The following ABCA6 variants were observed in gnomAD, a reference collection of about 807,000 sequenced individuals.
ABCA6 encodes the protein ATP binding cassette subfamily A member 6.
In ABCA6, 164 loss-of-function variants were observed where a neutral mutation model predicts 191.2. The observed-to-expected ratio is 0.86, with a 90% CI of 0.76 to 0.98. ABCA6 has a LOEUF of 0.98. ABCA6 is among the 50% of genes least tolerant of loss of function. The pLI is 0.00. For missense variants in ABCA6, 1,958 were observed against 1,894.1 expected (o/e 1.03, Z -0.63); for synonymous variants, 636 against 647.7 (o/e 0.98, Z 0.27).
intron 21 of ABCA6, among the ~76,000 whole-genome samples, chr17:69,101,387 G>T (rs536310392): frequency 1.3e-5 from 2 of 152,078 alleles, no homozygotes; most frequent in Non-Finnish European, 2.9e-5. Flanking sequence ...TTGAGGTTAG[G>T]AGTTTGAGAC....
intron 4 of ABCA6, 146 bp from the exon 5 acceptor site, chr17:69,134,888 C>CTTTTTTTTTTTG (rs2073925247): frequency 3.9e-6 from 1 of 257,558 alleles, no homozygotes; most frequent in Non-Finnish European, 6.8e-6. Context: ...TTGTGGTTGT[C>CTTTTTTTTTTTG]TTTTTTTTTT....
intron 6 of ABCA6, among the ~76,000 whole-genome samples, chr17:69,130,529 T>G (rs2073843959): frequency 6.6e-6 from 1 of 152,216 alleles, no homozygotes; most frequent in Non-Finnish European, 1.5e-5. Flanking sequence ...CACTGCTGTA[T>G]AATATTTCAT....
At position 69,119,790 on chromosome 17, in the gene ABCA6, ATCTG is replaced by A. The variant is rs777466856; in HGVS notation, c.1437-1838_1437-1835del. On this transcript the variant is annotated intron_variant, in intron 10 of 38. Coordinates refer to ENST00000284425, the MANE Select transcript of ABCA6 (RefSeq NM_080284.3). Reference sequence around the variant, plus strand: ...TACATATGCACAAACACACCTTTTTATCTGTCTTATTCTTAGAATGTTCATTGCA... The same window carrying A: ...TACATATGCACAAACACACCTTTTTATCTTATTCTTAGAATGTTCATTGCA... Among the ~76,000 whole-genome samples, 232 of 152,208 alleles carry A rather than the reference ATCTG, an allele frequency of 1.5e-3. 1 individual carries two copies. Among genetic ancestry groups the A allele is most frequent in the East Asian group, 7.7e-4 (4 of 5,172 alleles).
chr17:69,110,890 G>A lies in ABCA6; in HGVS notation c.2183C>T (p.Thr728Ile). 6.2e-7 allele frequency: 1 copy of A among 1,611,520 alleles called. No individual in the cohort carries two copies. Among genetic ancestry groups the A allele is most frequent in the South Asian group, 1.1e-5 (1 of 90,914 alleles). Residue 728 changes from threonine (T) to isoleucine (I), a missense_variant, in exon 17 of 39, where the codon ACT becomes ATT. Thr to Ile is a moderately conservative substitution (Grantham distance 89). Transcript: ENST00000284425. The part of the protein sequence containing the change: ...CNPEQITSFI[T>I]HHIPDAKLKT... ...TAATTTAGCATCGGGGATGTGATGA[G>A]TAATGAAGGATGTTATTTGTTCTGG...
chr17:69,079,503 C>T (rs1470401699), intron 37 of ABCA6, among the ~76,000 whole-genome samples: 1 of 152,036 alleles, frequency 6.6e-6, no homozygotes, highest in Non-Finnish European at 1.5e-5. Flanking sequence ...TTTGGTATTG[C>T]GTGCGTATGT....
At chr17:69,101,374 C>T (rs2073176193) in intron 21 of ABCA6, among the ~76,000 whole-genome samples, 1 of 152,094 alleles carries the variant, frequency 6.6e-6, no homozygotes, top group Admixed American at 6.6e-5. Flanking sequence ...GCGGGCAGAT[C>T]ACTTGAGGTT....
At chr17:69,110,105 A>T (rs1049913650) in intron 17 of ABCA6, 1 of 152,194 alleles carries the variant, frequency 6.6e-6, no homozygotes, top group African/African-American at 2.4e-5. Flanking sequence ...TTCAGTGTGT[A>T]GGTGGAAGAC....
At chr17:69,081,192 A>G in intron 36 of ABCA6, 47 bp from the exon 37 acceptor site, 1 of 993,822 alleles carries the variant, frequency 1.0e-6, no homozygotes, top group Non-Finnish European at 1.5e-6. Flanking sequence ...TCAAGGGGAG[A>G]AAATGAGCAT....
chr17:69,083,115 C>G, intron 35 of ABCA6, 97 bp downstream of exon 35: 1 of 1,571,294 alleles, frequency 6.4e-7, no homozygotes, highest in Non-Finnish European at 8.6e-7. Context: ...ACCAAGGAAG[C>G]CAAACGGAAG....
At chr17:69,113,531 G>GC in intron 14 of ABCA6, 87 bp downstream of exon 14, 2 of 1,596,492 alleles carry the variant, frequency 1.3e-6, no homozygotes, top group Non-Finnish European at 1.7e-6. Flanking sequence ...GCATTACAAT[G>GC]AAAGCTCTAC....
chr17:69,096,119 A>G (rs1329416753), intron 25 of ABCA6, 121 bp downstream of exon 25: 2 of 402,806 alleles, frequency 5.0e-6, no homozygotes, highest in South Asian at 1.1e-4. Flanking sequence ...TCTCTTTTCT[A>G]TGGTGTAATT....
At chr17:69,136,059 A>C in intron 4 of ABCA6, 33 bp downstream of exon 4, 2 of 1,592,924 alleles carry the variant, frequency 1.3e-6, no homozygotes, top group Middle Eastern at 3.3e-4. Flanking sequence ...AAACATGAAA[A>C]ATTCCATAAT....
At chr17:69,083,490 G>A (rs1486926569) in intron 34 of ABCA6, among the ~76,000 whole-genome samples, 159 bp from the exon 35 acceptor site, 8 of 152,170 alleles carry the variant, frequency 5.3e-5, no homozygotes, top group Admixed American at 5.2e-4. Flanking sequence ...ACATTTTTAA[G>A]TATTTTTAGA....
chr17:69,078,912 T>A lies in ABCA6; in HGVS notation c.*61A>T, dbSNP rs967924139. On this transcript the variant is annotated 3_prime_UTR_variant, in exon 39 of 39. Transcript: ENST00000284425. Reference sequence around the variant, plus strand: ...TGATCTTTAAAATTAAACATACTATTAATTATTACATAAAACATGAGTTTA... The same window carrying A: ...TGATCTTTAAAATTAAACATACTATAAATTATTACATAAAACATGAGTTTA... 27 of 949,572 alleles carry A rather than the reference T, an allele frequency of 2.8e-5. No individual in the cohort carries two copies. The highest frequency in any genetic ancestry group is 3.4e-4 in the Middle Eastern group (1 of 2,924). 58.8% of individuals were successfully genotyped at this position (949,572 alleles called of 1,614,324 possible). A position where few individuals can be genotyped will look rare whatever the true frequency, so the allele number is the denominator to read the frequency against.
intron 36 of ABCA6, among the ~76,000 whole-genome samples, chr17:69,081,504 G>GT (rs975001328): frequency 3.3e-5 from 5 of 151,402 alleles, no homozygotes; most frequent in East Asian, 1.9e-4. Context: ...TCATTGTTTT[G>GT]TTTTTTTTAA....
intron 22 of ABCA6, 142 bp from the exon 23 acceptor site, chr17:69,098,169 G>C (rs1268233572): frequency 2.0e-6 from 1 of 503,956 alleles, no homozygotes; most frequent in Non-Finnish European, 3.3e-6. Flanking sequence ...GAAGGTGGGA[G>C]GGAAAGTGAC....
chr17:69,081,467 G>A (rs1264450825), intron 36 of ABCA6, among the ~76,000 whole-genome samples: 1 of 151,718 alleles, frequency 6.6e-6, no homozygotes, highest in East Asian at 1.9e-4. Context: ...CAAAATAAAT[G>A]TTCATCTTTG....
In ABCA6 at chr17:69,129,759, A is replaced by G. The variant is rs199530932; in HGVS notation, c.792-8T>C. On this transcript the variant is annotated splice_region_variant and splice_polypyrimidine_tract_variant and intron_variant, in intron 6 of 38. Coordinates refer to ENST00000284425, the MANE Select transcript of ABCA6 (RefSeq NM_080284.3). ...ATTAGACCCCAGGAGAGCCTAAATA[A>G]AGACAAAAAGTTATATAAATTATGT... 4.5e-3 allele frequency: 6,972 copies of G among 1,558,350 alleles called. 70 individuals are homozygous for G. The highest frequency in any genetic ancestry group is 5.0e-3 in the Non-Finnish European group (5,809 of 1,152,738).
At chr17:69,091,523 C>CTTTTTTTTTTTTTTTTTTTT (rs1196866549) in intron 25 of ABCA6, among the ~76,000 whole-genome samples, 1 of 76,392 alleles carries the variant, frequency 1.3e-5, no homozygotes, top group African/African-American at 6.8e-5. Context: ...AAATAGACTT[C>CTTTTTTTTTTTTTTTTTTTT]TTTTTTTTTT....
Sources: gnomAD v4.1 joint callset for allele counts (sites outside exome capture counted in the v4.1 genomes callset) on GRCh38, gnomAD v4.1.1 for gene constraint, MANE v1.5 for transcripts, NCBI Gene and HGNC (gene_info 2026-07-23, HGNC 2026-07-21) for gene names.